RGS17: variants seen among roughly 807,000 people sequenced by gnomAD.
RGS17 encodes regulator of G-protein signaling 17.
Under a neutral mutation model 25.5 loss-of-function variants are expected in RGS17, and 12 were observed. The ratio of observed to expected loss-of-function variants is 0.47; its 90% CI spans 0.30 to 0.76. The LOEUF (loss-of-function observed/expected upper bound fraction) is 0.76, where lower values mean the gene tolerates loss of function less well. RGS17 is among the 30% of genes least tolerant of loss of function. The probability of loss-of-function intolerance (pLI) is 0.07; values close to 1 mark genes in which losing one functional copy is unlikely to be tolerated. For missense variants in RGS17, 196 were observed against 242.2 expected (o/e 0.81, Z 1.27); for synonymous variants, 71 against 76.9 (o/e 0.92, Z 0.40).
At chr6:153,120,632 G>A (rs765420621) in intron 1 of RGS17, among the ~76,000 whole-genome samples, 16 of 151,944 alleles carry the variant, frequency 1.1e-4, no homozygotes, top group South Asian at 2.1e-4. Context: ...GTAATCCTCC[G>A]CTTAGAGAGC....
At chr6:153,082,527 T>C (rs956441985) in intron 1 of RGS17, among the ~76,000 whole-genome samples, 3 of 152,206 alleles carry the variant, frequency 2.0e-5, no homozygotes, top group Admixed American at 1.3e-4. Context: ...TTTTTACCTA[T>C]GAGTTTTACT....
rs374726472 is a variant in RGS17 at position 153,074,126 on chromosome 6, G to A, written c.-25-30083C>T. On this transcript the variant is annotated intron_variant, in intron 1 of 4. Transcript: ENST00000206262. ...ATATAAAAACAAGATTGTTTTCAGCGTTTAAAACATTCTTGATGAGGAAAT... is the reference window on the plus strand; with the variant it reads ...ATATAAAAACAAGATTGTTTTCAGCATTTAAAACATTCTTGATGAGGAAAT... Among the ~76,000 whole-genome samples the A allele has an allele frequency of 3.3e-4, 50 of 152,196 alleles. 8 individuals are homozygous for A. The highest frequency in any genetic ancestry group is 2.0e-3 in the Admixed American group (31 of 15,274).
chr6:153,113,787 G>A (rs540908), intron 1 of RGS17, among the ~76,000 whole-genome samples: 127,915 of 152,188 alleles, frequency 0.84, 53,925 homozygotes, highest in East Asian at 0.91. Context: ...ACTCCAAACC[G>A]CTCAACTACA....
chr6:153,019,107 C>T (rs1779213187), intron 4 of RGS17, among the ~76,000 whole-genome samples: 1 of 152,234 alleles, frequency 6.6e-6, no homozygotes. Flanking sequence ...AGAGCTTGAA[C>T]ATCACAGATA....
At chr6:153,048,136 A>C (rs1462751647) in intron 1 of RGS17, among the ~76,000 whole-genome samples, 1 of 152,170 alleles carries the variant, frequency 6.6e-6, no homozygotes, top group East Asian at 1.9e-4. Flanking sequence ...CCTACTCAAT[A>C]TCTTCACTTG....
chr6:153,047,664 A>G (rs934476694), intron 1 of RGS17, among the ~76,000 whole-genome samples: 1 of 152,172 alleles, frequency 6.6e-6, no homozygotes, highest in Admixed American at 6.5e-5. Context: ...TTTCCCCACC[A>G]TGTGAGGATA....
At chr6:153,083,782 T>C (rs1777014773) in intron 1 of RGS17, among the ~76,000 whole-genome samples, 1 of 152,210 alleles carries the variant, frequency 6.6e-6, no homozygotes, top group African/African-American at 2.4e-5. Context: ...CTTGCTTGAA[T>C]TTGTTGATGC....
At chr6:153,112,586 C>A (rs1186361205) in intron 1 of RGS17, among the ~76,000 whole-genome samples, 3 of 152,116 alleles carry the variant, frequency 2.0e-5, no homozygotes, top group Non-Finnish European at 2.9e-5. Context: ...CACAAAGATA[C>A]TCCTCGAGAA....
chr6:153,035,903 T>C (rs186306044), intron 2 of RGS17, among the ~76,000 whole-genome samples: 3 of 152,318 alleles, frequency 2.0e-5, no homozygotes, highest in Admixed American at 2.0e-4. Flanking sequence ...CAGAGAAGCT[T>C]GGTTCTCTTA....
At chr6:153,097,052 C>G (rs1160626329) in intron 1 of RGS17, among the ~76,000 whole-genome samples, 1 of 152,122 alleles carries the variant, frequency 6.6e-6, no homozygotes, top group Non-Finnish European at 1.5e-5. Flanking sequence ...TTAACAGGCA[C>G]TTTGATTTAT....
At position 153,094,913 on chromosome 6, in the gene RGS17, A is replaced by AC. The variant is rs1258355855; in HGVS notation, c.-26+36210_-26+36211insG. 7.7e-4 allele frequency among the ~76,000 whole-genome samples: 22 copies of AC among 28,640 alleles called. No homozygotes were observed. In the South Asian group the frequency reaches 0.012, roughly 15 times the overall value. 18.8% of individuals were successfully genotyped at this position (28,640 alleles called of 152,430 possible). A position where few individuals can be genotyped will look rare whatever the true frequency, so the allele number is the denominator to read the frequency against. Reference sequence around the variant, plus strand: ...TAAACATTTTAAATCACTTTTTATAATTACATTCACAATATAATTGTGAAT... The same window carrying AC: ...TAAACATTTTAAATCACTTTTTATAACTTACATTCACAATATAATTGTGAAT... On this transcript the variant is annotated intron_variant, in intron 1 of 4. Transcript: ENST00000206262.
intron 1 of RGS17, among the ~76,000 whole-genome samples, chr6:153,084,501 A>G (rs1334191373): frequency 6.6e-6 from 1 of 152,186 alleles, no homozygotes; most frequent in Non-Finnish European, 1.5e-5. Flanking sequence ...CAGAGAAGTG[A>G]GCAAAGGGAG....
chr6:153,108,822 C>T (rs1040205379), intron 1 of RGS17, among the ~76,000 whole-genome samples: 1 of 151,236 alleles, frequency 6.6e-6, no homozygotes, highest in African/African-American at 2.4e-5. Flanking sequence ...TGTGTGTTTG[C>T]GTGTAGACAG....
chr6:153,091,291 G>A (rs545199881), intron 1 of RGS17, among the ~76,000 whole-genome samples: 52 of 152,284 alleles, frequency 3.4e-4, no homozygotes, highest in African/African-American at 1.3e-3. Flanking sequence ...GGTTTCCTGA[G>A]ATGTTGCATT....
chr6:153,009,729 TAGTC>T lies in RGS17; in HGVS notation c.*1841_*1844del, dbSNP rs1409530755. ...TTTAAAAGTGCTGAATATGGTAGGA[TAGTC>T]AGCAACGCCAGTGTAAACAGAATAT... On this transcript the variant is annotated 3_prime_UTR_variant, in exon 5 of 5. Transcript: ENST00000206262. The T allele has an allele frequency of 3.3e-5, 5 of 152,004 alleles. No homozygotes were observed. Among genetic ancestry groups the T allele is most frequent in the African/African-American group, 4.8e-5 (2 of 41,436 alleles). 9.4% of individuals were successfully genotyped at this position (152,004 alleles called of 1,614,324 possible).
intron 4 of RGS17, among the ~76,000 whole-genome samples, chr6:153,015,486 G>C (rs770704014): frequency 1.7e-4 from 26 of 152,112 alleles, no homozygotes; most frequent in Non-Finnish European, 3.2e-4. Flanking sequence ...GTCGAAGCAA[G>C]ACCCTCTCTC....
At chr6:153,094,634 G>T (rs1219459596) in intron 1 of RGS17, among the ~76,000 whole-genome samples, 3 of 152,098 alleles carry the variant, frequency 2.0e-5, no homozygotes, top group African/African-American at 7.2e-5. Flanking sequence ...TTAATTTTTT[G>T]TCAGGCTTTT....
chr6:153,033,939 G>A (rs1776193676), intron 2 of RGS17, among the ~76,000 whole-genome samples: 1 of 152,072 alleles, frequency 6.6e-6, no homozygotes, highest in South Asian at 2.1e-4. Context: ...ATTTAGTTAG[G>A]AGCAATAATA....
At chr6:153,125,636 G>C (rs1168358026) in intron 1 of RGS17, among the ~76,000 whole-genome samples, 1 of 152,148 alleles carries the variant, frequency 6.6e-6, no homozygotes, top group Non-Finnish European at 1.5e-5. Context: ...GGAGGCTGAG[G>C]TGGGTGGATT....
Sources: allele counts gnomAD v4.1 joint callset (sites outside exome capture counted in the v4.1 genomes callset), GRCh38; gene constraint gnomAD v4.1.1; transcripts MANE v1.5; gene names NCBI Gene and HGNC (gene_info 2026-07-23, HGNC 2026-07-21).